The following DBF4B variants were observed in gnomAD, a reference collection of about 807,000 sequenced individuals.
The protein encoded by DBF4B is DBF4B-CDC7 kinase regulatory subunit, also known as protein DBF4 homolog B.
In DBF4B, 49 loss-of-function variants were observed where a neutral mutation model predicts 53.4. The ratio of observed to expected loss-of-function variants is 0.92; its 90% CI spans 0.73 to 1.16. DBF4B has a LOEUF of 1.16. DBF4B is among the 50% of genes most tolerant of loss of function. The pLI is 0.00. For synonymous variants in DBF4B, 257 were observed against 288.7 expected (o/e 0.89, Z 1.11); for missense variants, 692 against 775.0 (o/e 0.89, Z 1.27).
At chr17:44,709,007 T>G in intron 1 of DBF4B, 168 bp downstream of exon 1, 1 of 949,570 alleles carries the variant, frequency 1.1e-6, no homozygotes, top group Non-Finnish European at 1.6e-6. Flanking sequence ...GACCGAGGAA[T>G]GAAGGTGGCA....
chr17:44,709,159 G>C, intron 1 of DBF4B, 145 bp from the exon 2 acceptor site: 1 of 1,072,368 alleles, frequency 9.3e-7, no homozygotes. Flanking sequence ...CGGGAGTCGC[G>C]GGATGTAGGT....
In DBF4B at chr17:44,749,468, A is replaced by G. The variant is rs568313912; in HGVS notation, c.1189+1003A>G. 1.6e-6 allele frequency: 2 copies of G among 1,288,444 alleles called. No homozygotes were observed. The highest frequency in any genetic ancestry group is 1.5e-5 in the African/African-American group (1 of 65,986). The allele number at this position is 1,288,444 out of a possible 1,614,324, so 79.8% of individuals were successfully genotyped here. A position where few individuals can be genotyped will look rare whatever the true frequency, so the allele number is the denominator to read the frequency against. On this transcript the variant is annotated intron_variant, in intron 13 of 13. Coordinates refer to ENST00000315005, the MANE Select transcript of DBF4B (RefSeq NM_145663.3). This position sits in a 1 kb window ranked among gnomAD's most constrained non-coding sequence, Gnocchi z 4.4. ...CCAGGACTTCCCCAAAAGAGCTAGA[A>G]GGAGGCCCGGGCCTGGCCTTTGAAG...
chr17:44,721,764 C>G (rs1017673194), intron 2 of DBF4B, among the ~76,000 whole-genome samples: 1 of 150,712 alleles, frequency 6.6e-6, no homozygotes, highest in Non-Finnish European at 1.5e-5. Context: ...ACGTGCTGCT[C>G]GAAGGAAGAT....
At chr17:44,724,035 A>G (rs576597298) in intron 3 of DBF4B, among the ~76,000 whole-genome samples, 27 of 152,160 alleles carry the variant, frequency 1.8e-4, no homozygotes, top group African/African-American at 6.3e-4. Flanking sequence ...CAAAAGGCGG[A>G]GGTTACAGTG....
At chr17:44,720,546 C>A in intron 2 of DBF4B, 1 of 171,126 alleles carries the variant, frequency 5.8e-6, no homozygotes, top group Non-Finnish European at 1.3e-5. Context: ...GCTTTCTTGG[C>A]CTTAGGTTTC....
intron 3 of DBF4B, among the ~76,000 whole-genome samples, chr17:44,723,264 G>A (rs1164467242): frequency 6.6e-6 from 1 of 152,060 alleles, no homozygotes. Flanking sequence ...ACACCACCAC[G>A]TCTGGCTAAT....
In DBF4B at chr17:44,751,559, C is replaced by T. The variant is rs2049278027; in HGVS notation, c.*306C>T. 1 of 1,340,676 alleles carries T rather than the reference C, an allele frequency of 7.5e-7. No individual in the cohort carries two copies. The highest frequency in any genetic ancestry group is 9.5e-7 in the Non-Finnish European group (1 of 1,047,394). 83.0% of individuals were successfully genotyped at this position (1,340,676 alleles called of 1,614,324 possible). ...CACTCTTGTTGGTTTCCTTCTCAGACTTGCCACCTTTCCCCTCTGCCCCAA... is the reference window on the plus strand; with the variant it reads ...CACTCTTGTTGGTTTCCTTCTCAGATTTGCCACCTTTCCCCTCTGCCCCAA... On this transcript the variant is annotated 3_prime_UTR_variant, in exon 14 of 14. Coordinates refer to ENST00000315005, the MANE Select transcript of DBF4B (RefSeq NM_145663.3).
intron 3 of DBF4B, 135 bp downstream of exon 3, chr17:44,723,157 A>T: frequency 4.8e-6 from 6 of 1,238,648 alleles, no homozygotes; most frequent in Middle Eastern, 2.9e-4. Context: ...CCCAGGCTGG[A>T]GTGCAGTGGC....
At chr17:44,725,668 T>C (rs1486100505) in intron 3 of DBF4B, among the ~76,000 whole-genome samples, 1 of 148,446 alleles carries the variant, frequency 6.7e-6, no homozygotes, top group Non-Finnish European at 1.5e-5. Context: ...CATCCTGCCT[T>C]TGTTTTTTTG....
chr17:44,724,045 G>A (rs1310087161), intron 3 of DBF4B, among the ~76,000 whole-genome samples: 1 of 152,100 alleles, frequency 6.6e-6, no homozygotes, highest in Non-Finnish European at 1.5e-5. Context: ...AGGTTACAGT[G>A]AGCTGAAGTC....
intron 3 of DBF4B, among the ~76,000 whole-genome samples, chr17:44,726,789 T>C (rs1974385678): frequency 1.3e-5 from 2 of 152,304 alleles, no homozygotes; most frequent in Admixed American, 1.3e-4. Context: ...GCATTTGCTA[T>C]ATTTGATTCC....
intron 2 of DBF4B, among the ~76,000 whole-genome samples, chr17:44,713,230 A>T (rs1016435404): frequency 6.7e-6 from 1 of 148,954 alleles, no homozygotes; most frequent in African/African-American, 2.4e-5. Context: ...TTTAGTAGAG[A>T]TGGGGTTTCA....
At position 44,738,436 on chromosome 17, in the gene DBF4B, C is replaced by T. The variant is rs768749878; in HGVS notation, c.713+12C>T. On this transcript the variant is annotated intron_variant, in intron 9 of 13. Coordinates refer to ENST00000315005, the MANE Select transcript of DBF4B (RefSeq NM_145663.3). Reference sequence around the variant, plus strand: ...GAAGATGAAAGCAGGTGAGTGGGACCTCCTTTCTCTGCTTGCCCCAGCTAG... The same window carrying T: ...GAAGATGAAAGCAGGTGAGTGGGACTTCCTTTCTCTGCTTGCCCCAGCTAG... 3 of 1,613,128 alleles carry T rather than the reference C, an allele frequency of 1.9e-6. No individual in the cohort carries two copies. Among genetic ancestry groups the T allele is most frequent in the Non-Finnish European group, 2.5e-6 (3 of 1,179,310 alleles).
rs1253132593 is a variant in DBF4B at position 44,746,004 on chromosome 17, T to A, written c.831-1079T>A. Reference sequence around the variant, plus strand: ...GGGCAGATCACCTGAGGTCGGGAGTTTGAGACCAGCCTGGGCAACATGGTG... The same window carrying A: ...GGGCAGATCACCTGAGGTCGGGAGTATGAGACCAGCCTGGGCAACATGGTG... On this transcript the variant is annotated intron_variant, in intron 10 of 13. Transcript: ENST00000315005. Among the ~76,000 whole-genome samples the A allele has an allele frequency of 4.1e-5, 6 of 147,310 alleles. No homozygotes were observed. The East Asian group carries it at 1.2e-3, about 29-fold the overall frequency.
In DBF4B at chr17:44,739,573, G is replaced by A. The variant is rs536492313; in HGVS notation, c.713+1149G>A. On this transcript the variant is annotated intron_variant, in intron 9 of 13. Coordinates refer to ENST00000315005, the MANE Select transcript of DBF4B (RefSeq NM_145663.3). ...CCAGTTCCAGTGGGATGGATTGCGT[G>A]TTCATCCCCAGCCCCTTCACACCTA... Among the ~76,000 whole-genome samples, 6 of 152,346 alleles carry A rather than the reference G, an allele frequency of 3.9e-5. No homozygotes were observed. The South Asian group carries it at 6.2e-4, about 16-fold the overall frequency.
intron 2 of DBF4B, among the ~76,000 whole-genome samples, chr17:44,709,885 T>C (rs1381140897): frequency 6.6e-6 from 1 of 151,562 alleles, no homozygotes; most frequent in Non-Finnish European, 1.5e-5. Context: ...GTTAATATCA[T>C]CTAGTTGGCC....
chr17:44,732,270 C>T lies in DBF4B; in HGVS notation c.556+5C>T, dbSNP rs777112054. Reference sequence around the variant, plus strand: ...TGAGGATTCTGCACGTGGATGGTACCCTTTCTGTGCTGGGCTCCTGTGGAG... The same window carrying T: ...TGAGGATTCTGCACGTGGATGGTACTCTTTCTGTGCTGGGCTCCTGTGGAG... On this transcript the variant is annotated splice_donor_5th_base_variant and intron_variant, in intron 6 of 13. Coordinates refer to ENST00000315005, the MANE Select transcript of DBF4B (RefSeq NM_145663.3). 6.2e-7 allele frequency: 1 copy of T among 1,613,930 alleles called. No individual in the cohort carries two copies. Among genetic ancestry groups the T allele is most frequent in the South Asian group, 1.1e-5 (1 of 91,048 alleles).
Position 44,749,477 on chromosome 17 carries a change from G to C in DBF4B, c.1189+1012G>C, listed in dbSNP as rs192760602. ...CCCCAAAAGAGCTAGAAGGAGGCCC[G>C]GGCCTGGCCTTTGAAGTCCAGCAAG... On this transcript the variant is annotated intron_variant, in intron 13 of 13. Coordinates refer to ENST00000315005, the MANE Select transcript of DBF4B (RefSeq NM_145663.3). This position sits in a 1 kb window ranked among gnomAD's most constrained non-coding sequence, Gnocchi z 4.4. 7.8e-7 allele frequency: 1 copy of C among 1,285,682 alleles called. No homozygotes were observed. Among genetic ancestry groups the C allele is most frequent in the East Asian group, 5.6e-5 (1 of 17,930 alleles). 79.6% of individuals were successfully genotyped at this position (1,285,682 alleles called of 1,614,324 possible). A position where few individuals can be genotyped will look rare whatever the true frequency, so the allele number is the denominator to read the frequency against.
intron 2 of DBF4B, among the ~76,000 whole-genome samples, chr17:44,722,670 C>G (rs924123905): frequency 6.6e-6 from 1 of 152,176 alleles, no homozygotes; most frequent in Admixed American, 6.5e-5. Flanking sequence ...AGTCAGCAAG[C>G]CTTGTTTGCT....
Sources: gnomAD v4.1 joint callset for allele counts (sites outside exome capture counted in the v4.1 genomes callset) on GRCh38, gnomAD v4.1.1 for gene constraint, Gnocchi (gnomAD v3.1) non-coding constraint, MANE v1.5 for transcripts, NCBI Gene and HGNC (gene_info 2026-07-23, HGNC 2026-07-21) for gene names.